NKAIN3: variants seen among roughly 807,000 people sequenced by gnomAD.
NKAIN3 encodes sodium/potassium transporting ATPase interacting 3, also known as sodium/potassium-transporting ATPase subunit beta-1-interacting protein 3.
In NKAIN3, 25 loss-of-function variants were observed where a neutral mutation model predicts 30.2. The ratio of observed to expected loss-of-function variants is 0.83; its 90% confidence interval spans 0.60 to 1.16. NKAIN3 has a LOEUF of 1.16. Ranked by LOEUF, NKAIN3 falls within the 50% of genes most tolerant of loss-of-function variation. NKAIN3 has a pLI of 0.00. For synonymous variants in NKAIN3, 91 were observed against 89.6 expected (o/e 1.02, Z -0.09); for missense variants, 225 against 254.1 (o/e 0.89, Z 0.78).
At chr8:62,351,968 GT>G (rs1816194568) in intron 1 of NKAIN3, among the ~76,000 whole-genome samples, 1 of 152,188 alleles carries the variant, frequency 6.6e-6, no homozygotes, top group Non-Finnish European at 1.5e-5. Flanking sequence ...GTTCCTCCTG[GT>G]CAGGGTCCCC....
intron 1 of NKAIN3, among the ~76,000 whole-genome samples, chr8:62,517,488 G>A (rs1808026996): frequency 6.6e-6 from 1 of 152,104 alleles, no homozygotes; most frequent in African/African-American, 2.4e-5. Flanking sequence ...AAGGCAAAGA[G>A]AATACCGTAT....
intron 3 of NKAIN3, among the ~76,000 whole-genome samples, chr8:62,678,772 T>A (rs1340615511): frequency 6.6e-6 from 1 of 151,896 alleles, no homozygotes; most frequent in Non-Finnish European, 1.5e-5. Flanking sequence ...AGTTAATCCA[T>A]GCTATATAAA....
chr8:62,832,313 A>T (rs1819223106), intron 4 of NKAIN3, among the ~76,000 whole-genome samples: 1 of 150,994 alleles, frequency 6.6e-6, no homozygotes, highest in Admixed American at 6.6e-5. Context: ...ACTCTTAAGT[A>T]CATATCCCAC....
chr8:62,312,842 T>A, intron 1 of NKAIN3, among the ~76,000 whole-genome samples: 1 of 144,992 alleles, frequency 6.9e-6, no homozygotes, highest in Non-Finnish European at 1.5e-5. Context: ...AAAAATGCTG[T>A]GATGGAGATG....
At chr8:62,928,487 A>G (rs7821634) in intron 5 of NKAIN3, among the ~76,000 whole-genome samples, 36,111 of 152,092 alleles carry the variant, frequency 0.24, 4,703 homozygotes, top group African/African-American at 0.34. Flanking sequence ...CTTCAGCGAT[A>G]TCATGACAGC....
intron 3 of NKAIN3, among the ~76,000 whole-genome samples, chr8:62,658,937 G>A (rs1812853647): frequency 6.6e-6 from 1 of 152,120 alleles, no homozygotes; most frequent in East Asian, 1.9e-4. Context: ...CCTTAAAAAT[G>A]CAGCAGTGAT....
chr8:62,322,310 C>T (rs181725929), intron 1 of NKAIN3, among the ~76,000 whole-genome samples: 54 of 152,252 alleles, frequency 3.5e-4, no homozygotes, highest in African/African-American at 5.3e-4. Context: ...GTTCGGCTCA[C>T]GCTCGGTGCA....
At chr8:62,881,324 T>G (rs929057123) in intron 4 of NKAIN3, among the ~76,000 whole-genome samples, 1 of 152,228 alleles carries the variant, frequency 6.6e-6, no homozygotes, top group Non-Finnish European at 1.5e-5. Flanking sequence ...CAATCACTGA[T>G]TCTTTTACTA....
intron 4 of NKAIN3, chr8:62,856,304 C>T (rs1385555641): frequency 1.3e-5 from 12 of 929,476 alleles, no homozygotes; most frequent in Non-Finnish European, 2.0e-5. Flanking sequence ...GCCCAGAGAT[C>T]ACTATATCTT....
intron 1 of NKAIN3, among the ~76,000 whole-genome samples, chr8:62,313,500 A>G (rs772760051): frequency 2.0e-5 from 3 of 152,140 alleles, no homozygotes; most frequent in Non-Finnish European, 2.9e-5. Flanking sequence ...CTTCACTAGG[A>G]TGTAAGTTGG....
At chr8:62,298,703 C>T (rs150602613) in intron 1 of NKAIN3, among the ~76,000 whole-genome samples, 358 of 152,194 alleles carry the variant, frequency 2.4e-3, no homozygotes, top group African/African-American at 7.8e-3. Flanking sequence ...GGTAAGGGCA[C>T]TTTTTAAAAA....
At chr8:62,791,468 T>G (rs1016769046) in intron 4 of NKAIN3, among the ~76,000 whole-genome samples, 16 of 152,136 alleles carry the variant, frequency 1.1e-4, no homozygotes, top group Non-Finnish European at 2.2e-4. Flanking sequence ...AAGGTCCAAA[T>G]AAATGACTCA....
chr8:62,870,626 TAA>T (rs1369305551), intron 4 of NKAIN3, among the ~76,000 whole-genome samples: 1 of 95,968 alleles, frequency 1.0e-5, no homozygotes, highest in Non-Finnish European at 2.1e-5. Context: ...ATATACAAAA[TAA>T]ACTCTATTTT....
chr8:62,288,437 T>C (rs1337327257), intron 1 of NKAIN3, among the ~76,000 whole-genome samples: 1 of 152,166 alleles, frequency 6.6e-6, no homozygotes. Flanking sequence ...TTCCCCACCC[T>C]GTGTCCAAAT....
intron 4 of NKAIN3, among the ~76,000 whole-genome samples, chr8:62,841,226 T>G (rs562482525): frequency 8.5e-4 from 130 of 152,268 alleles, no homozygotes; most frequent in Non-Finnish European, 1.6e-3. Flanking sequence ...ATTTATGGAG[T>G]ACAATGTGAT....
intron 2 of NKAIN3, among the ~76,000 whole-genome samples, chr8:62,581,033 A>T (rs59092266): frequency 0.011 from 1,659 of 149,834 alleles, 35 homozygotes; most frequent in African/African-American, 0.039. Context: ...AACCCAGGAG[A>T]TCAAAGCTGC....
At chr8:62,735,153 C>A (rs1815606445) in intron 3 of NKAIN3, among the ~76,000 whole-genome samples, 1 of 152,134 alleles carries the variant, frequency 6.6e-6, no homozygotes, top group South Asian at 2.1e-4. Flanking sequence ...AGATCTCTAG[C>A]AAAGTCAGGG....
intron 1 of NKAIN3, among the ~76,000 whole-genome samples, chr8:62,314,587 T>C (rs987201945): frequency 2.6e-5 from 4 of 152,164 alleles, no homozygotes; most frequent in African/African-American, 9.7e-5. Flanking sequence ...CCAATTTGAG[T>C]GTTAGCCTGT....
chr8:62,633,528 C>T (rs1812031223), intron 3 of NKAIN3, among the ~76,000 whole-genome samples: 1 of 152,150 alleles, frequency 6.6e-6, no homozygotes, highest in African/African-American at 2.4e-5. Flanking sequence ...TGCATGACAG[C>T]CCCCACAGGG....
Sources: gnomAD v4.1 joint callset for allele counts (sites outside exome capture counted in the v4.1 genomes callset) on GRCh38, gnomAD v4.1.1 for gene constraint, MANE v1.5 for transcripts, NCBI Gene and HGNC (gene_info 2026-07-23, HGNC 2026-07-21) for gene names.